Variants in C2orf49 observed in about 807,000 individuals in gnomAD.
The protein encoded by C2orf49 is tRNA-splicing ligase complex subunit ASW.
C2orf49 carries 11 observed loss-of-function variants against 20.6 expected under a neutral mutation model. That is an observed-to-expected ratio of 0.53 (90% CI 0.34 to 0.88). The LOEUF is 0.88. Ranked by LOEUF, C2orf49 falls within the 40% of genes least tolerant of loss-of-function variation. The pLI is 0.02. For missense variants in C2orf49, 289 were observed against 274.2 expected (o/e 1.05, Z -0.38); for synonymous variants, 134 against 108.5 (o/e 1.24, Z -1.46).
intron 1 of C2orf49, among the ~76,000 whole-genome samples, chr2:105,338,880 A>C (rs923830004): frequency 1.4e-4 from 22 of 152,218 alleles, no homozygotes; most frequent in Admixed American, 1.4e-3. Flanking sequence ...TGTCTTCATG[A>C]CTACTCCTGT....
At chr2:105,363,409 G>A in the C2orf49 span, 1 of 1,613,344 alleles carries the variant, frequency 6.2e-7, no homozygotes, top group Non-Finnish European at 8.5e-7. Context: ...TGCAGGCGGT[G>A]CACACGAAGC....
the C2orf49 span, among the ~76,000 whole-genome samples, chr2:105,366,593 A>G: frequency 2.6e-5 from 4 of 152,226 alleles, no homozygotes; most frequent in African/African-American, 9.6e-5. Flanking sequence ...CAGAGGGCAC[A>G]GCAGAAAACT....
chr2:105,378,356 A>G, the C2orf49 span: 1 of 370,788 alleles, frequency 2.7e-6, no homozygotes, highest in Non-Finnish European at 5.4e-6. Context: ...CTGTCCCCCC[A>G]CACCCTGCTC....
At position 105,346,607 on chromosome 2, in the gene C2orf49, A is replaced by T. The variant is rs374213904; in HGVS notation, c.*1236A>T. On this transcript the variant is annotated 3_prime_UTR_variant, in exon 4 of 4. Transcript: ENST00000258457. ...ATTCTAGAATTTATAAGAGTCCAGG[A>T]AGCATAGCAGTCAGGGGCAAAAATT... 1 of 152,252 alleles carries T rather than the reference A, an allele frequency of 6.6e-6. No homozygotes were observed. Among genetic ancestry groups the T allele is most frequent in the East Asian group, 1.9e-4 (1 of 5,196 alleles). 9.4% of individuals were successfully genotyped at this position (152,252 alleles called of 1,614,324 possible). A position where few individuals can be genotyped will look rare whatever the true frequency, so the allele number is the denominator to read the frequency against.
chr2:105,377,840 G>T, the C2orf49 span: 9 of 347,966 alleles, frequency 2.6e-5, no homozygotes, highest in East Asian at 2.3e-4. Context: ...GAGAGGGGAG[G>T]AGATCCTTGG....
At chr2:105,384,157 G>C in the C2orf49 span, among the ~76,000 whole-genome samples, 1 of 152,182 alleles carries the variant, frequency 6.6e-6, no homozygotes, top group Non-Finnish European at 1.5e-5. Flanking sequence ...ATCTGTCCTT[G>C]AAAGTGAGAC....
At chr2:105,378,249 C>G in the C2orf49 span, 2 of 463,180 alleles carry the variant, frequency 4.3e-6, no homozygotes, top group South Asian at 3.2e-5. Context: ...TTCATTGACA[C>G]GTGACACTTG....
chr2:105,366,424 CAGG>C, the C2orf49 span, among the ~76,000 whole-genome samples: 2 of 152,226 alleles, frequency 1.3e-5, no homozygotes, highest in Non-Finnish European at 2.9e-5. Flanking sequence ...GAGTCAATAA[CAGG>C]AGGAGAGCGA....
chr2:105,344,026 G>A (rs1558667580), intron 3 of C2orf49, among the ~76,000 whole-genome samples: 1 of 152,072 alleles, frequency 6.6e-6, no homozygotes, highest in East Asian at 1.9e-4. Context: ...TAGTAGACTG[G>A]AAAAAGAAAA....
At chr2:105,355,526 A>C in the C2orf49 span, among the ~76,000 whole-genome samples, 1 of 151,680 alleles carries the variant, frequency 6.6e-6, no homozygotes, top group Non-Finnish European at 1.5e-5. Flanking sequence ...CTGCAACAGA[A>C]ACATCAGGCA....
chr2:105,345,058 T>C (rs1679776466), intron 3 of C2orf49, among the ~76,000 whole-genome samples: 1 of 152,140 alleles, frequency 6.6e-6, no homozygotes, highest in Non-Finnish European at 1.5e-5. Context: ...TTTTATGGAT[T>C]CTGGTTTAAT....
chr2:105,348,293 C>T lies in C2orf49; in HGVS notation c.*2922C>T, dbSNP rs1679863622. On this transcript the variant is annotated 3_prime_UTR_variant, in exon 4 of 4. Coordinates refer to ENST00000258457, the MANE Select transcript of C2orf49 (RefSeq NM_024093.3). Reference sequence around the variant, plus strand: ...GAGACAGTACAGTTTTCCAAAGCAGCCTAATTCATCTGGACAGCTACCAGG... The same window carrying T: ...GAGACAGTACAGTTTTCCAAAGCAGTCTAATTCATCTGGACAGCTACCAGG... 1 of 152,106 alleles carries T rather than the reference C, an allele frequency of 6.6e-6. No homozygotes were observed. Among genetic ancestry groups the T allele is most frequent in the Non-Finnish European group, 1.5e-5 (1 of 68,024 alleles). The allele number at this position is 152,106 out of a possible 1,614,324, so 9.4% of individuals were successfully genotyped here. A position where few individuals can be genotyped will look rare whatever the true frequency, so the allele number is the denominator to read the frequency against.
the C2orf49 span, among the ~76,000 whole-genome samples, chr2:105,355,393 T>C: frequency 6.6e-6 from 1 of 152,110 alleles, no homozygotes. Context: ...ATGACAATCG[T>C]CTCTGCAGGA....
At chr2:105,384,413 CCT>C in the C2orf49 span, among the ~76,000 whole-genome samples, 9 of 152,118 alleles carry the variant, frequency 5.9e-5, no homozygotes, top group African/African-American at 1.9e-4. Context: ...TGGAGCTTAC[CCT>C]GTCAGCTGCT....
rs1679880265 is a variant in C2orf49, at chr2:105,349,042, C to T, written c.*3671C>T. The T allele has an allele frequency of 6.6e-6, 1 of 152,050 alleles. No individual in the cohort carries two copies. The highest frequency in any genetic ancestry group is 6.6e-5 in the Admixed American group (1 of 15,266). The allele number at this position is 152,050 out of a possible 1,614,324, so 9.4% of individuals were successfully genotyped here. ...CATGTTGAGGGATGGAAATAGAAGT[C>T]TCTGAACTTCCCATGTAATATTAAA... On this transcript the variant is annotated 3_prime_UTR_variant, in exon 4 of 4. Transcript: ENST00000258457.
At chr2:105,374,687 G>T in the C2orf49 span, among the ~76,000 whole-genome samples, 1 of 152,152 alleles carries the variant, frequency 6.6e-6, no homozygotes, top group African/African-American at 2.4e-5. Flanking sequence ...CTTGCCTGAG[G>T]AATAAGAGAA....
chr2:105,361,627 T>C, the C2orf49 span, among the ~76,000 whole-genome samples: 448 of 152,336 alleles, frequency 2.9e-3, 2 homozygotes, highest in Non-Finnish European at 5.3e-3. Flanking sequence ...ATCTCGTGAA[T>C]ATCAGAAGAG....
downstream of C2orf49, among the ~76,000 whole-genome samples, chr2:105,350,505 C>T (rs1679908692): frequency 6.6e-6 from 1 of 152,194 alleles, no homozygotes; most frequent in African/African-American, 2.4e-5. Context: ...TTGAGTAAGT[C>T]TGTAATAGCC....
At chr2:105,381,832 A>G in the C2orf49 span, among the ~76,000 whole-genome samples, 2 of 152,154 alleles carry the variant, frequency 1.3e-5, no homozygotes, top group Admixed American at 1.3e-4. Context: ...AAAAAGCACC[A>G]GGTTGGCAGG....
Sources: gnomAD v4.1 joint callset for allele counts (sites outside exome capture counted in the v4.1 genomes callset) on GRCh38, gnomAD v4.1.1 for gene constraint, MANE v1.5 for transcripts, NCBI Gene and HGNC (gene_info 2026-07-23, HGNC 2026-07-21) for gene names.